FRYL: variants seen among roughly 807,000 people sequenced by gnomAD.
FRYL encodes protein furry homolog-like.
Under a neutral mutation model 351.2 loss-of-function variants are expected in FRYL, and 150 were observed. The ratio of observed to expected loss-of-function variants is 0.43; its 90% CI spans 0.37 to 0.49. FRYL has a LOEUF of 0.49. FRYL is among the 20% of genes least tolerant of loss of function. The pLI is 0.00. For missense variants in FRYL, 3,036 were observed against 3,619.3 expected, an observed-to-expected ratio of 0.84 and a Z score of 4.13; for synonymous variants, 1,153 against 1,257.1, an observed-to-expected ratio of 0.92 and a Z score of 1.75.
In FRYL at chr4:48,527,668, A is replaced by T. The variant is rs1312067322; in HGVS notation, c.7141-15T>A. 1.1e-4 allele frequency: 12 copies of T among 110,020 alleles called. No homozygotes were observed. The highest frequency in any genetic ancestry group is 6.8e-4 in the African/African-American group (2 of 2,930). 6.8% of individuals were successfully genotyped at this position (110,020 alleles called of 1,614,324 possible). A position where few individuals can be genotyped will look rare whatever the true frequency, so the allele number is the denominator to read the frequency against. ...GAAAATACAACCTGATGCCCGATTA[A>T]AAAAAAAAAAAAAGTCCATCCATCA... is the stretch of plus-strand genomic sequence containing the variant. On this transcript the variant is annotated splice_polypyrimidine_tract_variant and intron_variant, in intron 52 of 63. Transcript: ENST00000358350.
chr4:48,545,034 A>C, intron 42 of FRYL, 130 bp from the exon 43 acceptor site: 1 of 829,052 alleles, frequency 1.2e-6, no homozygotes. Context: ...ACAGTCTACT[A>C]CTACTTAGGC....
intron 1 of FRYL, among the ~76,000 whole-genome samples, chr4:48,721,345 T>C (rs1769446977): frequency 6.6e-6 from 1 of 151,504 alleles, no homozygotes; most frequent in African/African-American, 2.4e-5. Flanking sequence ...ATGTGCACAC[T>C]ATATGTAGAT....
intron 20 of FRYL, 79 bp downstream of exon 20, chr4:48,582,418 A>G (rs1741141230): frequency 2.3e-6 from 2 of 872,728 alleles, no homozygotes; most frequent in East Asian, 2.5e-5. Flanking sequence ...GTGTTTGATA[A>G]AGTAAATCTG....
intron 2 of FRYL, among the ~76,000 whole-genome samples, chr4:48,693,811 T>G (rs1465639342): frequency 1.3e-5 from 2 of 152,192 alleles, no homozygotes; most frequent in Admixed American, 6.5e-5. Flanking sequence ...GTATTTATAT[T>G]GTGCATTACA....
At position 48,577,532 on chromosome 4, in the gene FRYL, T is replaced by C. The variant is rs1227098415; in HGVS notation, c.2529-1310A>G. Among the ~76,000 whole-genome samples the C allele has an allele frequency of 3.9e-5, 6 of 151,992 alleles. No homozygotes were observed. In the East Asian group the frequency reaches 7.7e-4, roughly 19 times the overall value. On this transcript the variant is annotated intron_variant, in intron 23 of 63. Transcript: ENST00000358350. ...GCCCTCATGCAGGCCATGGGAGACA[T>C]ACAATAAAGAAATAAATAAAACAAT...
intron 3 of FRYL, chr4:48,638,215 TATTTATGCATAG>T (rs1754642455): frequency 6.6e-6 from 1 of 152,074 alleles, no homozygotes; most frequent in South Asian, 2.1e-4. Flanking sequence ...TATATGCATA[TATTTATGCATAG>T]ATTTATATAA....
intron 13 of FRYL, 21 bp downstream of exon 13, chr4:48,601,999 A>C: frequency 7.6e-7 from 1 of 1,309,732 alleles, no homozygotes. Context: ...TTTACATATC[A>C]GAAGTGTGAT....
intron 1 of FRYL, among the ~76,000 whole-genome samples, chr4:48,767,609 T>C (rs1192426637): frequency 6.6e-6 from 1 of 152,140 alleles, no homozygotes; most frequent in East Asian, 1.9e-4. Flanking sequence ...ATCTAAAATT[T>C]AAAAAGCCAA....
At chr4:48,515,905 C>T (rs1442319357) in intron 55 of FRYL, among the ~76,000 whole-genome samples, 1 of 152,082 alleles carries the variant, frequency 6.6e-6, no homozygotes, top group Non-Finnish European at 1.5e-5. Flanking sequence ...TAAATCGTCT[C>T]CTGTTTGAAA....
chr4:48,770,925 C>T (rs754811070), intron 1 of FRYL, among the ~76,000 whole-genome samples: 1 of 152,016 alleles, frequency 6.6e-6, no homozygotes, highest in African/African-American at 2.4e-5. Context: ...AACATTAGAA[C>T]AGGAAAAATG....
chr4:48,776,115 A>G (rs892833965), intron 1 of FRYL, among the ~76,000 whole-genome samples: 5 of 151,068 alleles, frequency 3.3e-5, no homozygotes, highest in Admixed American at 2.6e-4. Flanking sequence ...CAATGTTACA[A>G]TGTGATAGGA....
rs1729812973 is a variant in FRYL, at chr4:48,540,026, T to C, written c.6338A>G (p.Gln2113Arg). The C allele has an allele frequency of 6.2e-7, 1 of 1,613,216 alleles. No homozygotes were observed. Among genetic ancestry groups the C allele is most frequent in the Admixed American group, 1.7e-5 (1 of 59,940 alleles). ...NILCLLPHLI[Q>R]HFDSPTQFCK... ...AAACTGAGTTGGGCTGTCAAAATGC[T>C]GGATTAAGTGAGGCAATAAGCAAAG... Residue 2113 changes from glutamine to arginine, a missense_variant, in exon 47 of 64, where the codon CAG (glutamine) becomes CGG (arginine). Coordinates refer to ENST00000358350, the MANE Select transcript of FRYL (RefSeq NM_015030.2).
At chr4:48,575,473 CT>C (rs747154965) in intron 24 of FRYL, among the ~76,000 whole-genome samples, 2 of 152,176 alleles carry the variant, frequency 1.3e-5, no homozygotes, top group Non-Finnish European at 2.9e-5. Flanking sequence ...CTTACAGACA[CT>C]CATGATCATA....
At chr4:48,716,957 T>A (rs937334354) in intron 1 of FRYL, among the ~76,000 whole-genome samples, 7 of 150,758 alleles carry the variant, frequency 4.6e-5, no homozygotes, top group African/African-American at 1.7e-4. Context: ...AAAGGATGAG[T>A]TCATGTCCTT....
At chr4:48,719,034 T>C (rs1204054334) in intron 1 of FRYL, among the ~76,000 whole-genome samples, 1 of 151,588 alleles carries the variant, frequency 6.6e-6, no homozygotes, top group South Asian at 2.1e-4. Flanking sequence ...CTCTAACTGA[T>C]CTTTGGCCTC....
chr4:48,646,448 A>T (rs1756486783), intron 3 of FRYL, among the ~76,000 whole-genome samples: 1 of 152,214 alleles, frequency 6.6e-6, no homozygotes, highest in African/African-American at 2.4e-5. Flanking sequence ...AAAACCAACT[A>T]ATAGATCTAA....
In FRYL at chr4:48,634,464, T is replaced by G; in HGVS notation, c.-54A>C. The G allele has an allele frequency of 6.2e-7, 1 of 1,611,590 alleles. No homozygotes were observed. The highest frequency in any genetic ancestry group is 1.7e-4 in the Middle Eastern group (1 of 6,042). On this transcript the variant is annotated 5_prime_UTR_variant, in exon 4 of 64. The change abolishes the stop of an existing upstream ORF in the 5' untranslated region. Transcript: ENST00000358350. ...TGAAAGTTGGAAGAAGCACAGTATT[T>G]ATTTACTTTGCTGACTGGCGCTGAA...
intron 42 of FRYL, among the ~76,000 whole-genome samples, chr4:48,545,548 T>C (rs1309762982): frequency 6.6e-6 from 1 of 152,194 alleles, no homozygotes; most frequent in Non-Finnish European, 1.5e-5. Context: ...CCTTATGGCC[T>C]GGGCTTCATG....
At chr4:48,548,097 A>G (rs1432195442) in intron 40 of FRYL, among the ~76,000 whole-genome samples, 3 of 152,220 alleles carry the variant, frequency 2.0e-5, no homozygotes, top group South Asian at 2.1e-4. Context: ...TGCTTAGCAC[A>G]TAACAGAAAG....
Sources: allele counts gnomAD v4.1 joint callset (sites outside exome capture counted in the v4.1 genomes callset), GRCh38; gene constraint gnomAD v4.1.1; transcripts MANE v1.5; gene names NCBI Gene and HGNC (gene_info 2026-07-23, HGNC 2026-07-21).